Variants in LRP1B observed in about 807,000 individuals in gnomAD.
The protein encoded by LRP1B is low-density lipoprotein receptor-related protein 1B.
LRP1B carries 217 observed loss-of-function variants against 556.6 expected under a neutral mutation model. The observed-to-expected ratio is 0.39, with a 90% CI of 0.35 to 0.44. LRP1B has a LOEUF of 0.44. Among genes scored for constraint, LRP1B ranks in the 20% least tolerant of loss-of-function variants. The pLI, the probability that LRP1B is intolerant of heterozygous loss-of-function variation, is 1.00. For synonymous variants in LRP1B, 2,047 were observed against 1,865.8 expected (o/e 1.10, Z -2.50); for missense variants, 5,053 against 5,620.8 (o/e 0.90, Z 3.23).
At chr2:141,871,394 G>A (rs1698582740) in intron 1 of LRP1B, among the ~76,000 whole-genome samples, 1 of 151,944 alleles carries the variant, frequency 6.6e-6, no homozygotes, top group Admixed American at 6.6e-5. Context: ...TATTTACTAA[G>A]TGAACATGAC....
intron 43 of LRP1B, among the ~76,000 whole-genome samples, chr2:140,542,896 T>C (rs931667364): frequency 5.3e-5 from 8 of 152,062 alleles, no homozygotes; most frequent in Non-Finnish European, 4.4e-5. Flanking sequence ...TCCAGGCTGG[T>C]GAAAGAACCA....
intron 2 of LRP1B, among the ~76,000 whole-genome samples, chr2:141,757,263 G>A (rs1694356954): frequency 6.6e-6 from 1 of 152,064 alleles, no homozygotes; most frequent in Non-Finnish European, 1.5e-5. Context: ...ACAAGTCATT[G>A]GTAATTTGAT....
intron 35 of LRP1B, among the ~76,000 whole-genome samples, chr2:140,767,155 C>T (rs1222543795): frequency 6.6e-6 from 1 of 151,716 alleles, no homozygotes; most frequent in Non-Finnish European, 1.5e-5. Flanking sequence ...GATCTCTAAC[C>T]TTCTTTGGTT....
At chr2:140,933,906 C>A (rs1336051295) in intron 20 of LRP1B, among the ~76,000 whole-genome samples, 1 of 151,706 alleles carries the variant, frequency 6.6e-6, no homozygotes, top group Non-Finnish European at 1.5e-5. Context: ...GTAAAGACAT[C>A]AGTTGGTTTC....
At chr2:142,115,533 ATTACATATGTAAT>A in intron 1 of LRP1B, among the ~76,000 whole-genome samples, 1 of 49,014 alleles carries the variant, frequency 2.0e-5, no homozygotes, top group Non-Finnish European at 4.2e-5. Flanking sequence ...TAATATATAT[ATTACATATGTAAT>A]ATATATATTA....
chr2:140,683,741 C>A, intron 41 of LRP1B: 1 of 928,440 alleles, frequency 1.1e-6, no homozygotes, highest in Admixed American at 1.8e-5. Context: ...GCTAGTCGAT[C>A]CATAGCCTTC....
chr2:141,507,105 T>C (rs1386541670), intron 2 of LRP1B, among the ~76,000 whole-genome samples: 1 of 152,158 alleles, frequency 6.6e-6, no homozygotes, highest in African/African-American at 2.4e-5. Context: ...TTATTACTTT[T>C]GAAAAATACA....
intron 2 of LRP1B, among the ~76,000 whole-genome samples, chr2:141,503,610 G>A (rs1301976892): frequency 6.6e-6 from 1 of 151,990 alleles, no homozygotes. Flanking sequence ...ATAATTTGCA[G>A]TGTGCCAGAA....
intron 2 of LRP1B, among the ~76,000 whole-genome samples, chr2:141,498,364 T>TG (rs1683593413): frequency 6.6e-6 from 1 of 151,416 alleles, no homozygotes; most frequent in Admixed American, 6.6e-5. Flanking sequence ...TCCTTTTTTT[T>TG]TTTTTTCTTT....
Position 141,291,185 on chromosome 2 carries a change from G to C in LRP1B, c.344-36544C>G, listed in dbSNP as rs562281816. ...ACAGGAAATTTCCACTCTATATTAA[G>C]ATGCATATTTCAGGATTAATTTTAT... is the stretch of plus-strand genomic sequence containing the variant. On this transcript the variant is annotated intron_variant, in intron 3 of 90. Coordinates refer to ENST00000389484, the MANE Select transcript of LRP1B (RefSeq NM_018557.3). 2.8e-3 allele frequency among the ~76,000 whole-genome samples: 433 copies of C among 152,160 alleles called. 2 individuals carry two copies. The highest frequency in any genetic ancestry group is 9.6e-3 in the African/African-American group (397 of 41,488).
intron 17 of LRP1B, 25 bp downstream of exon 17, chr2:140,989,507 C>A (rs369881701): frequency 6.2e-7 from 1 of 1,611,042 alleles, no homozygotes; most frequent in Non-Finnish European, 8.5e-7. Context: ...AGGAGATTTA[C>A]GTGTATATCC....
chr2:140,877,134 T>A (rs1693334163), intron 25 of LRP1B, among the ~76,000 whole-genome samples: 1 of 152,168 alleles, frequency 6.6e-6, no homozygotes, highest in Admixed American at 6.6e-5. Context: ...TAAAGCCCTC[T>A]GAACTGAAGA....
At chr2:140,259,046 C>G (rs1681817853) in intron 86 of LRP1B, among the ~76,000 whole-genome samples, 1 of 152,206 alleles carries the variant, frequency 6.6e-6, no homozygotes, top group Non-Finnish European at 1.5e-5. Flanking sequence ...GAATGAATTT[C>G]AAACTCTAGC....
intron 27 of LRP1B, among the ~76,000 whole-genome samples, chr2:140,860,974 G>GCATC (rs1260537417): frequency 4.4e-5 from 6 of 134,916 alleles, no homozygotes; most frequent in South Asian, 2.5e-4. Context: ...AGAGAATTGT[G>GCATC]CATCTATCTA....
At chr2:141,409,740 TA>T (rs1010787594) in intron 3 of LRP1B, among the ~76,000 whole-genome samples, 5 of 151,918 alleles carry the variant, frequency 3.3e-5, no homozygotes, top group African/African-American at 1.2e-4. Context: ...AATAAGGCCA[TA>T]AAAAATCTCA....
At chr2:140,654,871 T>C (rs1371807273) in intron 41 of LRP1B, among the ~76,000 whole-genome samples, 1 of 152,200 alleles carries the variant, frequency 6.6e-6, no homozygotes, top group East Asian at 1.9e-4. Context: ...TGCTAGTTTG[T>C]CATGTGAAAT....
At chr2:141,195,942 A>G (rs1048341051) in intron 6 of LRP1B, among the ~76,000 whole-genome samples, 2 of 152,064 alleles carry the variant, frequency 1.3e-5, no homozygotes, top group Non-Finnish European at 2.9e-5. Flanking sequence ...GATGCTAGCC[A>G]TGTGGAATTT....
intron 2 of LRP1B, among the ~76,000 whole-genome samples, chr2:141,669,112 T>G (rs377381759): frequency 7.3e-5 from 11 of 151,036 alleles, no homozygotes; most frequent in African/African-American, 2.4e-4. Flanking sequence ...TATTTGGAGA[T>G]GGGGGCTTTG....
intron 35 of LRP1B, among the ~76,000 whole-genome samples, chr2:140,756,557 G>T (rs1688746572): frequency 6.6e-6 from 1 of 152,000 alleles, no homozygotes; most frequent in Non-Finnish European, 1.5e-5. Flanking sequence ...CCAACAATTT[G>T]CCAAGATAAT....
Sources: allele counts gnomAD v4.1 joint callset (sites outside exome capture counted in the v4.1 genomes callset), GRCh38; gene constraint gnomAD v4.1.1; transcripts MANE v1.5; gene names NCBI Gene and HGNC (gene_info 2026-07-23, HGNC 2026-07-21).